COP1: variants seen among roughly 807,000 people sequenced by gnomAD.
The protein encoded by COP1 is E3 ubiquitin-protein ligase COP1.
COP1 carries 24 observed loss-of-function variants against 101.3 expected under a neutral mutation model. The ratio of observed to expected loss-of-function variants is 0.24; its 90% CI spans 0.17 to 0.33. The LOEUF (loss-of-function observed/expected upper bound fraction) is 0.33. COP1 is among the 10% of genes least tolerant of loss of function. The probability of loss-of-function intolerance (pLI) is 1.00; values close to 1 mark genes in which losing one functional copy is unlikely to be tolerated. For synonymous variants in COP1, 347 were observed against 341.9 expected (o/e 1.01, Z -0.17); for missense variants, 663 against 906.2 (o/e 0.73, Z 3.45).
At chr1:176,200,365 T>C (rs1474933203) in intron 1 of COP1, among the ~76,000 whole-genome samples, 1 of 152,204 alleles carries the variant, frequency 6.6e-6, no homozygotes, top group Non-Finnish European at 1.5e-5. Context: ...ACAGTCGTAA[T>C]TTTTACAAAG....
intron 15 of COP1, among the ~76,000 whole-genome samples, chr1:176,005,877 G>C (rs1233281541): frequency 6.6e-6 from 1 of 152,102 alleles, no homozygotes; most frequent in Non-Finnish European, 1.5e-5. Context: ...GCTTGGTGCA[G>C]AGCTGAGTTC....
chr1:176,111,575 G>C (rs1271603807), intron 9 of COP1, among the ~76,000 whole-genome samples: 2 of 152,172 alleles, frequency 1.3e-5, no homozygotes, highest in African/African-American at 4.8e-5. Flanking sequence ...TTACAGGCGT[G>C]AGCCACCACA....
chr1:175,990,657 G>A (rs995925961), intron 15 of COP1, among the ~76,000 whole-genome samples: 2 of 152,038 alleles, frequency 1.3e-5, no homozygotes, highest in Non-Finnish European at 2.9e-5. Context: ...TCTACAAAAA[G>A]TTTGTTTTGA....
chr1:176,000,735 T>A (rs1242041097), intron 15 of COP1, among the ~76,000 whole-genome samples: 2 of 152,084 alleles, frequency 1.3e-5, no homozygotes. Context: ...GTTGCTTTTT[T>A]TTTTGTTATG....
At chr1:176,187,402 CGTGTGT>C (rs35205766) in intron 1 of COP1, among the ~76,000 whole-genome samples, 104 of 148,686 alleles carry the variant, frequency 7.0e-4, no homozygotes, top group East Asian at 2.0e-3. Context: ...TATAAATATA[CGTGTGT>C]GTGTGTGTGT....
At chr1:176,053,242 A>C (rs1342226023) in intron 11 of COP1, among the ~76,000 whole-genome samples, 1 of 152,068 alleles carries the variant, frequency 6.6e-6, no homozygotes, top group African/African-American at 2.4e-5. Flanking sequence ...CTGCTTCCTC[A>C]AAGTCTTCCC....
intron 15 of COP1, among the ~76,000 whole-genome samples, chr1:175,992,366 T>C (rs1658767745): frequency 6.6e-6 from 1 of 152,224 alleles, no homozygotes; most frequent in African/African-American, 2.4e-5. Context: ...ACCAGGTTCA[T>C]CTCACTAGGG....
chr1:175,996,223 A>T (rs1004807849), intron 15 of COP1, among the ~76,000 whole-genome samples: 1 of 152,184 alleles, frequency 6.6e-6, no homozygotes, highest in African/African-American at 2.4e-5. Context: ...ACTCTCAATA[A>T]ATTAGGTTTT....
intron 14 of COP1, among the ~76,000 whole-genome samples, chr1:176,041,501 A>G (rs1670526604): frequency 6.6e-6 from 1 of 152,070 alleles, no homozygotes; most frequent in African/African-American, 2.4e-5. Context: ...GGCCTGCACC[A>G]CCACACCTGG....
intron 9 of COP1, among the ~76,000 whole-genome samples, chr1:176,103,037 T>G (rs572925584): frequency 6.6e-6 from 1 of 152,332 alleles, no homozygotes; most frequent in Non-Finnish European, 1.5e-5. Context: ...GGCTCAAGCA[T>G]AGCTGGCTCT....
At chr1:176,005,711 G>A (rs566606022) in intron 15 of COP1, among the ~76,000 whole-genome samples, 3 of 150,998 alleles carry the variant, frequency 2.0e-5, no homozygotes, top group Admixed American at 6.7e-5. Flanking sequence ...ACTGTGGTAT[G>A]AGAGATAGTT....
At chr1:176,188,960 T>C (rs1031527510) in intron 1 of COP1, among the ~76,000 whole-genome samples, 5 of 152,082 alleles carry the variant, frequency 3.3e-5, no homozygotes, top group African/African-American at 9.7e-5. Context: ...GGAAAAAATA[T>C]GTAGAGACAG....
chr1:176,145,845 T>C (rs1353339905), intron 6 of COP1, among the ~76,000 whole-genome samples: 1 of 152,092 alleles, frequency 6.6e-6, no homozygotes, highest in Non-Finnish European at 1.5e-5. Context: ...GCCATAATTA[T>C]CAGAATATTG....
intron 7 of COP1, 22 bp downstream of exon 7, chr1:176,136,466 T>C (rs1284168563): frequency 2.0e-6 from 3 of 1,513,208 alleles, no homozygotes; most frequent in South Asian, 2.3e-5. Flanking sequence ...GCTAAGGATG[T>C]GAGAAATTCT....
intron 18 of COP1, among the ~76,000 whole-genome samples, chr1:175,949,032 G>A (rs982461325): frequency 8.6e-5 from 13 of 151,448 alleles, no homozygotes; most frequent in East Asian, 5.8e-4. Context: ...GCGTGGTGGC[G>A]TGTGCCCGTA....
intron 15 of COP1, among the ~76,000 whole-genome samples, chr1:175,992,967 C>T (rs943528548): frequency 6.6e-6 from 1 of 152,158 alleles, no homozygotes; most frequent in African/African-American, 2.4e-5. Context: ...CCCTGACCCC[C>T]AAGCAGCCTA....
At chr1:175,958,375 AG>A (rs36117139) in intron 18 of COP1, among the ~76,000 whole-genome samples, 131,079 of 151,876 alleles carry the variant, frequency 0.86, 58,643 homozygotes, top group Non-Finnish European at 0.98. Flanking sequence ...GTAACCATTC[AG>A]GTATAATATC....
chr1:176,068,072 G>C (rs1006939075), intron 11 of COP1, among the ~76,000 whole-genome samples: 1 of 152,160 alleles, frequency 6.6e-6, no homozygotes, highest in Non-Finnish European at 1.5e-5. Flanking sequence ...TGCATGTGCG[G>C]GTACAGGAGG....
At chr1:176,002,616 T>C (rs1487159582) in intron 15 of COP1, among the ~76,000 whole-genome samples, 1 of 148,206 alleles carries the variant, frequency 6.7e-6, no homozygotes, top group East Asian at 2.0e-4. Flanking sequence ...GTTTGGTTTT[T>C]TGTTCTTGTG....
Sources: allele counts gnomAD v4.1 joint callset (sites outside exome capture counted in the v4.1 genomes callset), GRCh38; gene constraint gnomAD v4.1.1; transcripts MANE v1.5; gene names NCBI Gene and HGNC (gene_info 2026-07-23, HGNC 2026-07-21).